SOX6: variants seen among roughly 807,000 people sequenced by gnomAD.
SOX6 encodes transcription factor SOX-6.
SOX6 carries 11 observed loss-of-function variants against 97.8 expected under a neutral mutation model. The ratio of observed to expected loss-of-function variants is 0.11; its 90% CI spans 0.07 to 0.19. The LOEUF (loss-of-function observed/expected upper bound fraction) is 0.19, where lower values mean the gene tolerates loss of function less well. Ranked by LOEUF, SOX6 falls within the 10% of genes least tolerant of loss-of-function variation. The pLI is 1.00. For missense variants in SOX6, 810 were observed against 1,039.5 expected, an observed-to-expected ratio of 0.78 and a Z score of 3.04; for synonymous variants, 360 against 371.4, an observed-to-expected ratio of 0.97 and a Z score of 0.35.
At chr11:16,114,417 A>C (rs747043360) in intron 6 of SOX6, among the ~76,000 whole-genome samples, 2 of 152,212 alleles carry the variant, frequency 1.3e-5, no homozygotes, top group Non-Finnish European at 2.9e-5. Context: ...GTGAGGACCA[A>C]ATAGACAATA....
rs1849798462 is a variant in SOX6, at chr11:16,132,382, GAAAGAAAGAAAGAAAGAAAAAAGA to G, written c.778-20483_778-20460del. Among the ~76,000 whole-genome samples the G allele has an allele frequency of 2.4e-5, 2 of 84,404 alleles. 1 individual carries two copies. Among genetic ancestry groups the G allele is most frequent in the African/African-American group, 1.1e-4 (2 of 18,764 alleles). The allele number at this position is 84,404 out of a possible 152,430, so 55.4% of individuals were successfully genotyped here. On this transcript the variant is annotated intron_variant, in intron 6 of 15. Coordinates refer to ENST00000683767, the MANE Select transcript of SOX6 (RefSeq NM_001367873.1). ...AGAAAGAAAGAAAGAAAGAAAGAAA[GAAAGAAAGAAAGAAAGAAAAAAGA>G]AAGAAAGAAAGAAAGAAAGAAAGAA...
At chr11:16,526,237 A>G (rs1386297723) in intron 4 of SOX6, among the ~76,000 whole-genome samples, 1 of 152,214 alleles carries the variant, frequency 6.6e-6, no homozygotes, top group Non-Finnish European at 1.5e-5. Flanking sequence ...ACCAACCCAA[A>G]TGTCTAACAA....
At chr11:16,493,790 C>T (rs1269177785) in intron 4 of SOX6, among the ~76,000 whole-genome samples, 2 of 152,060 alleles carry the variant, frequency 1.3e-5, no homozygotes, top group South Asian at 2.1e-4. Flanking sequence ...CAGAAATAAG[C>T]GTTCTCAAAC....
chr11:16,337,795 A>G (rs1856507854), intron 2 of SOX6, among the ~76,000 whole-genome samples: 1 of 152,116 alleles, frequency 6.6e-6, no homozygotes, highest in Non-Finnish European at 1.5e-5. Flanking sequence ...TTGAAATCCT[A>G]TTTCTAAAAT....
intron 1 of SOX6, among the ~76,000 whole-genome samples, chr11:16,408,237 T>C (rs1858725643): frequency 6.6e-6 from 1 of 152,192 alleles, no homozygotes; most frequent in South Asian, 2.1e-4. Context: ...GTACTAACTC[T>C]TCTGAAAGGA....
chr11:16,499,016 G>C (rs1406088169), intron 4 of SOX6, among the ~76,000 whole-genome samples: 1 of 152,130 alleles, frequency 6.6e-6, no homozygotes, highest in African/African-American at 2.4e-5. Context: ...ATGCTTTTCA[G>C]CACCACTCAC....
intron 3 of SOX6, among the ~76,000 whole-genome samples, chr11:16,281,966 CAT>C (rs1253250537): frequency 1.0e-4 from 12 of 119,514 alleles, no homozygotes; most frequent in Non-Finnish European, 1.9e-4. Flanking sequence ...TATAAAATCA[CAT>C]ATATATAAAA....
chr11:16,330,533 G>A (rs1249045782), intron 2 of SOX6, among the ~76,000 whole-genome samples: 1 of 152,098 alleles, frequency 6.6e-6, no homozygotes, highest in Non-Finnish European at 1.5e-5. Flanking sequence ...CTCCAGCCTG[G>A]GCGACAGAGC....
intron 4 of SOX6, among the ~76,000 whole-genome samples, chr11:16,520,665 C>T (rs1861044666): frequency 6.6e-6 from 1 of 152,250 alleles, no homozygotes; most frequent in African/African-American, 2.4e-5. Context: ...CGAGCCGAAG[C>T]AGGGCGAGGC....
intron 3 of SOX6, among the ~76,000 whole-genome samples, chr11:16,661,992 A>G (rs576366233): frequency 6.6e-6 from 1 of 152,352 alleles, no homozygotes; most frequent in African/African-American, 2.4e-5. Context: ...TCTATAAGCT[A>G]TATTCACCAA....
chr11:16,155,680 T>G (rs1850579302), intron 6 of SOX6, among the ~76,000 whole-genome samples: 1 of 152,130 alleles, frequency 6.6e-6, no homozygotes, highest in Non-Finnish European at 1.5e-5. Context: ...GGCAGTCTAG[T>G]GTATCTTCCT....
chr11:16,702,279 T>C (rs906688839), intron 3 of SOX6, among the ~76,000 whole-genome samples: 11 of 152,176 alleles, frequency 7.2e-5, no homozygotes, highest in African/African-American at 7.2e-5. Context: ...GGGAAAACAC[T>C]GTCAAAAATG....
chr11:16,526,223 T>G (rs1301987808), intron 4 of SOX6, among the ~76,000 whole-genome samples: 2 of 152,138 alleles, frequency 1.3e-5, no homozygotes, highest in Non-Finnish European at 2.9e-5. Context: ...AGCAAAGACT[T>G]GGAACCAACC....
chr11:16,071,498 T>C (rs1342501297), intron 9 of SOX6, among the ~76,000 whole-genome samples: 1 of 151,692 alleles, frequency 6.6e-6, no homozygotes, highest in Non-Finnish European at 1.5e-5. Flanking sequence ...AGTGGTCCTA[T>C]TTCTGCCTGG....
chr11:16,074,824 C>T (rs1397205412), intron 9 of SOX6, among the ~76,000 whole-genome samples: 1 of 152,100 alleles, frequency 6.6e-6, no homozygotes, highest in African/African-American at 2.4e-5. Context: ...AATGCAATTC[C>T]TATCAAACTA....
chr11:16,001,649 A>G (rs1854411794), intron 13 of SOX6, among the ~76,000 whole-genome samples: 1 of 152,192 alleles, frequency 6.6e-6, no homozygotes, highest in Non-Finnish European at 1.5e-5. Flanking sequence ...TAAGCACATT[A>G]GAAGAGCCCA....
At chr11:16,500,351 A>G (rs1160150217) in intron 4 of SOX6, among the ~76,000 whole-genome samples, 2 of 152,216 alleles carry the variant, frequency 1.3e-5, no homozygotes, top group Non-Finnish European at 2.9e-5. Flanking sequence ...CACAGCCAAT[A>G]TCATAGTGAA....
chr11:16,484,687 C>A, intron 4 of SOX6: 1 of 608,514 alleles, frequency 1.6e-6, no homozygotes, highest in South Asian at 1.8e-5. Context: ...CTGCGCTCCC[C>A]AGACTCCCAC....
At chr11:16,736,793 T>C (rs191061459) in intron 1 of SOX6, among the ~76,000 whole-genome samples, 35 of 152,346 alleles carry the variant, frequency 2.3e-4, no homozygotes, top group African/African-American at 8.2e-4. Context: ...ATTTTAATTC[T>C]AGCAAAAAGC....
Sources: allele counts gnomAD v4.1 joint callset (sites outside exome capture counted in the v4.1 genomes callset), GRCh38; gene constraint gnomAD v4.1.1; transcripts MANE v1.5; gene names NCBI Gene and HGNC (gene_info 2026-07-23, HGNC 2026-07-21).